The following AGMO variants were observed in gnomAD, a reference collection of about 807,000 sequenced individuals.
AGMO encodes alkylglycerol monooxygenase, also known as glyceryl-ether monooxygenase.
In AGMO, 75 loss-of-function variants were observed where a neutral mutation model predicts 60.2. That is an observed-to-expected ratio of 1.25 (90% CI 1.03 to 1.51). The LOEUF is 1.51. Among genes scored for constraint, AGMO ranks in the 40% most tolerant of loss-of-function variants. The probability of loss-of-function intolerance (pLI) is 0.00; values close to 1 mark genes in which losing one functional copy is unlikely to be tolerated. For synonymous variants in AGMO, 261 were observed against 177.1 expected (o/e 1.47, Z -3.76); for missense variants, 763 against 525.5 (o/e 1.45, Z -4.42).
rs115675174 is a variant in AGMO at position 15,321,175 on chromosome 7, T to C, written c.1263+44339A>G. ...ATAAACCTAACTGGAATTAATAGAA[T>C]GCTATTTCTATTCCTCACTTAGACA... On this transcript the variant is annotated intron_variant, in intron 12 of 12. Transcript: ENST00000342526. 2.8e-3 allele frequency among the ~76,000 whole-genome samples: 426 copies of C among 152,278 alleles called. 2 individuals are homozygous for C. Among genetic ancestry groups the C allele is most frequent in the African/African-American group, 9.7e-3 (403 of 41,562 alleles).
the AGMO span, among the ~76,000 whole-genome samples, chr7:15,145,748 T>C: frequency 6.6e-6 from 1 of 152,148 alleles, no homozygotes; most frequent in African/African-American, 2.4e-5. Context: ...ACCCGTAGGT[T>C]TTTGAGGATA....
At chr7:15,272,361 T>C (rs897867226) in intron 12 of AGMO, among the ~76,000 whole-genome samples, 2 of 145,718 alleles carry the variant, frequency 1.4e-5, no homozygotes, top group African/African-American at 5.1e-5. Context: ...TTCCCACCTA[T>C]GAGTGAGAAC....
intron 12 of AGMO, among the ~76,000 whole-genome samples, chr7:15,250,876 C>CAAA (rs1295380772): frequency 2.0e-5 from 3 of 151,742 alleles, no homozygotes; most frequent in Admixed American, 1.3e-4. Flanking sequence ...ACCCGGGAGG[C>CAAA]AGACGTTGCA....
chr7:15,139,786 G>A, the AGMO span, among the ~76,000 whole-genome samples: 36 of 147,760 alleles, frequency 2.4e-4, no homozygotes, highest in Non-Finnish European at 4.1e-4. Context: ...ACTCCAGCCT[G>A]GGCTACAGAG....
At chr7:15,190,799 T>C in the AGMO span, among the ~76,000 whole-genome samples, 5 of 152,086 alleles carry the variant, frequency 3.3e-5, no homozygotes, top group Non-Finnish European at 7.4e-5. Context: ...AAAGTCAGAG[T>C]TGCAAAGGAA....
At chr7:15,509,782 C>T (rs935640386) in intron 3 of AGMO, among the ~76,000 whole-genome samples, 3 of 152,064 alleles carry the variant, frequency 2.0e-5, no homozygotes, top group Non-Finnish European at 2.9e-5. Context: ...CCAAAGAAGA[C>T]ATACAAATAT....
At chr7:15,396,690 C>G (rs761940207) in intron 5 of AGMO, 4 of 151,590 alleles carry the variant, frequency 2.6e-5, no homozygotes, top group Non-Finnish European at 5.9e-5. Context: ...TTACAGAGAG[C>G]TGATTGGTCC....
chr7:15,201,583 G>A (rs1023365361), intron 12 of AGMO, among the ~76,000 whole-genome samples: 2 of 152,058 alleles, frequency 1.3e-5, no homozygotes, highest in Non-Finnish European at 2.9e-5. Flanking sequence ...TATTTCTGTG[G>A]CTTGTTTCTT....
chr7:15,236,323 C>G (rs979743025), intron 12 of AGMO, among the ~76,000 whole-genome samples: 5 of 152,000 alleles, frequency 3.3e-5, no homozygotes, highest in African/African-American at 1.2e-4. Context: ...TTACATTAAA[C>G]TACATAAAAA....
chr7:15,559,101 T>G (rs1785232877), intron 2 of AGMO, among the ~76,000 whole-genome samples: 1 of 152,138 alleles, frequency 6.6e-6, no homozygotes, highest in East Asian at 1.9e-4. Context: ...GTACTCTTTC[T>G]AAAAAATAGT....
At chr7:15,318,627 C>T (rs897332841) in intron 12 of AGMO, among the ~76,000 whole-genome samples, 8 of 151,980 alleles carry the variant, frequency 5.3e-5, no homozygotes, top group African/African-American at 1.9e-4. Flanking sequence ...ACTCTTCCAG[C>T]CTTAACAGAA....
intron 12 of AGMO, among the ~76,000 whole-genome samples, chr7:15,317,739 G>A (rs987529299): frequency 6.6e-6 from 1 of 151,672 alleles, no homozygotes; most frequent in Non-Finnish European, 1.5e-5. Context: ...ATAAGAAGTA[G>A]TAGAAAACAA....
chr7:15,168,528 T>G, the AGMO span, among the ~76,000 whole-genome samples: 1 of 152,186 alleles, frequency 6.6e-6, no homozygotes, highest in African/African-American at 2.4e-5. Flanking sequence ...GAGGCTGACC[T>G]TGAATTCAAG....
chr7:15,385,443 T>TA lies in AGMO; in HGVS notation c.1074+2dup. On this transcript the variant is annotated splice_region_variant and intron_variant, in intron 10 of 12. Transcript: ENST00000342526. ...CACACTACTTAAAATGGATATTACT[T>TA]ACAGCTGTATCTGCAAAGGTCTCTT... is the stretch of plus-strand genomic sequence containing the variant. 1.3e-6 allele frequency: 2 copies of TA among 1,545,280 alleles called. No individual in the cohort carries two copies. The highest frequency in any genetic ancestry group is 1.8e-6 in the Non-Finnish European group (2 of 1,119,492).
At chr7:15,467,149 G>T (rs1003453413) in intron 3 of AGMO, among the ~76,000 whole-genome samples, 5 of 152,236 alleles carry the variant, frequency 3.3e-5, no homozygotes, top group Admixed American at 1.3e-4. Context: ...AGTCTCTGGG[G>T]ATTTTATATG....
chr7:15,252,609 C>G (rs1441991331), intron 12 of AGMO, among the ~76,000 whole-genome samples: 1 of 152,156 alleles, frequency 6.6e-6, no homozygotes, highest in African/African-American at 2.4e-5. Flanking sequence ...GAAATAGATC[C>G]ATCCCCAGTC....
chr7:15,367,534 G>A (rs1398263919), intron 10 of AGMO, among the ~76,000 whole-genome samples: 4 of 151,906 alleles, frequency 2.6e-5, no homozygotes, highest in African/African-American at 7.2e-5. Context: ...AGTAAATAAC[G>A]CCTCTGAAAC....
intron 12 of AGMO, among the ~76,000 whole-genome samples, chr7:15,341,209 T>A (rs1781836422): frequency 6.6e-6 from 1 of 152,146 alleles, no homozygotes; most frequent in East Asian, 1.9e-4. Flanking sequence ...CTCCAGAAAA[T>A]GGATTTCTTT....
intron 5 of AGMO, chr7:15,396,408 T>C (rs896136648): frequency 2.0e-5 from 3 of 152,278 alleles, no homozygotes; most frequent in African/African-American, 7.2e-5. Flanking sequence ...CTGAGTTTCC[T>C]TGGTTCAGTA....
Sources: gnomAD v4.1 joint callset for allele counts (sites outside exome capture counted in the v4.1 genomes callset) on GRCh38, gnomAD v4.1.1 for gene constraint, MANE v1.5 for transcripts, NCBI Gene and HGNC (gene_info 2026-07-23, HGNC 2026-07-21) for gene names.